Variants in MIOX observed in about 807,000 individuals in gnomAD.
MIOX encodes the protein inositol oxygenase.
MIOX carries 51 observed loss-of-function variants against 42.7 expected under a neutral mutation model. That is an observed-to-expected ratio of 1.19 (90% CI 0.95 to 1.51). MIOX has a LOEUF of 1.51. Among genes scored for constraint, MIOX ranks in the 40% most tolerant of loss-of-function variants. The pLI is 0.00. For missense variants in MIOX, 395 were observed against 381.3 expected (o/e 1.04, Z -0.30); for synonymous variants, 168 against 154.4 (o/e 1.09, Z -0.65).
Position 50,487,663 on chromosome 22 carries a change from C to G in MIOX, c.98C>G (p.Ser33Ter). The G allele has an allele frequency of 6.2e-7, 1 of 1,612,614 alleles. No individual in the cohort carries two copies. Among genetic ancestry groups the G allele is most frequent in the Non-Finnish European group, 8.5e-7 (1 of 1,179,524 alleles). Residue 33 changes from serine (S) to a stop codon, truncating the protein, a stop_gained and splice_region_variant, in exon 3 of 10, where the codon TCA (serine) becomes TGA (stop). Transcript: ENST00000216075. LOFTEE classifies it high-confidence loss of function. ...KDKASFRNYTSGPLLDRVFTT... is the reference protein window; with the variant it reads ...KDKASFRNYT ...CGCCACTGACCCTCCGGCCTGCAGT[C>G]AGGTCCCCTCCTGGACCGTGTCTTC...
intron 5 of MIOX, among the ~76,000 whole-genome samples, chr22:50,488,684 T>TCCCTCTG (rs2068309067): frequency 1.5e-5 from 2 of 134,836 alleles, no homozygotes; most frequent in South Asian, 2.8e-4. Context: ...GTCCCTCCTG[T>TCCCTCTG]CACTCTGCAG....
chr22:50,489,468 G>A (rs577860635), intron 8 of MIOX, 22 bp downstream of exon 8: 30 of 1,608,712 alleles, frequency 1.9e-5, no homozygotes, highest in South Asian at 5.5e-5. Context: ...GAGGGGCAAC[G>A]CAGCCCGTCC....
At chr22:50,487,852 C>T (rs2068291853) in intron 3 of MIOX, 34 bp from the exon 4 acceptor site, 2 of 1,612,686 alleles carry the variant, frequency 1.2e-6, no homozygotes, top group Admixed American at 1.7e-5. Flanking sequence ...GGCCTGCTGA[C>T]CCTGGGCCAC....
rs924258631 is a variant in MIOX, at chr22:50,489,829, G to C, written c.831G>C (p.Lys277Asn). The stretch of plus-strand genomic sequence containing the variant: ...CCTACTACCAGGGGCTCATTGACAA[G>C]TACTGCCCTGGCATCCTGAGCTGGT... ...LRPYYQGLIDKYCPGILSW is the reference protein window; with the variant it reads ...LRPYYQGLIDNYCPGILSW Residue 277 changes from lysine to asparagine, a missense_variant, in exon 10 of 10, where the codon AAG (lysine) becomes AAC (asparagine). Transcript: ENST00000216075. The C allele has an allele frequency of 2.5e-6, 4 of 1,611,084 alleles. No individual in the cohort carries two copies. The highest frequency in any genetic ancestry group is 3.4e-6 in the Non-Finnish European group (4 of 1,179,908).
chr22:50,489,332 G>A (rs551501349), intron 7 of MIOX, 37 bp downstream of exon 7: 73 of 1,472,870 alleles, frequency 5.0e-5, no homozygotes, highest in Middle Eastern at 4.9e-4. Context: ...GGTGGGGGGC[G>A]GTGGGGGACG....
At chr22:50,487,010 C>T in intron 1 of MIOX, 98 bp downstream of exon 1, 4 of 1,499,690 alleles carry the variant, frequency 2.7e-6, no homozygotes, top group South Asian at 1.1e-5. Context: ...CAGCCCTCCT[C>T]CTCCGTCCAG....
At chr22:50,487,167 C>T (rs1363503056) in intron 1 of MIOX, among the ~76,000 whole-genome samples, 2 of 152,196 alleles carry the variant, frequency 1.3e-5, no homozygotes, top group Non-Finnish European at 2.9e-5. Context: ...TGCTGACTTT[C>T]GCTTTGCAGA....
At chr22:50,488,115 G>A in intron 4 of MIOX, 67 bp downstream of exon 4, 1 of 1,601,846 alleles carries the variant, frequency 6.2e-7, no homozygotes, top group Non-Finnish European at 8.5e-7. Flanking sequence ...GCAGCCTGTA[G>A]GGTGGGAGGG....
chr22:50,488,307 C>G lies in MIOX; in HGVS notation c.373C>G (p.Leu125Val). 1 of 1,612,848 alleles carries G rather than the reference C, an allele frequency of 6.2e-7. No individual in the cohort carries two copies. The highest frequency in any genetic ancestry group is 8.5e-7 in the Non-Finnish European group (1 of 1,179,342). The change falls in exon 5 of 10, where the codon CTG becomes GTG. Residue 125 changes from leucine (L) to valine (V), a missense_variant. Coordinates refer to ENST00000216075, the MANE Select transcript of MIOX (RefSeq NM_017584.6). Reference sequence around the variant, plus strand: ...CCACCTCGTCGGGCTCCTGCACGACCTGGGGAAGGTCCTGGCCCTGTTCGG... The same window carrying G: ...CCACCTCGTCGGGCTCCTGCACGACGTGGGGAAGGTCCTGGCCCTGTTCGG... ...WFHLVGLLHD[L>V]GKVLALFGEP...
chr22:50,488,180 C>T (rs1019695854), intron 4 of MIOX, 95 bp from the exon 5 acceptor site: 6 of 1,588,426 alleles, frequency 3.8e-6, no homozygotes, highest in Non-Finnish European at 5.2e-6. Flanking sequence ...GGGGAGCAGG[C>T]CCTGGACCCT....
rs1268117430 is a variant in MIOX at position 50,489,026 on chromosome 22, C to CTGTCCCTCT, written c.409-13_409-5dup. 8.2e-6 allele frequency: 13 copies of CTGTCCCTCT among 1,593,400 alleles called. No homozygotes were observed. The highest frequency in any genetic ancestry group is 1.1e-5 in the Non-Finnish European group (13 of 1,169,108). ...CTCCCCCCATGGCCTCCCGTCCCTC[C>CTGTCCCTCT]TGTCCCTCTGCAGTGGGCTGTCGTC... On this transcript the variant is annotated splice_polypyrimidine_tract_variant and intron_variant, in intron 5 of 9. Coordinates refer to ENST00000216075, the MANE Select transcript of MIOX (RefSeq NM_017584.6).
chr22:50,489,328 G>A lies in MIOX; in HGVS notation c.586+33G>A, dbSNP rs1603437818. The A allele has an allele frequency of 8.1e-6, 12 of 1,487,212 alleles. No individual in the cohort carries two copies. In the African/African-American group the frequency reaches 1.1e-4, roughly 14 times the overall value. The allele number at this position is 1,487,212 out of a possible 1,614,324, so 92.1% of individuals were successfully genotyped here. On this transcript the variant is annotated intron_variant, in intron 7 of 9. Coordinates refer to ENST00000216075, the MANE Select transcript of MIOX (RefSeq NM_017584.6). The stretch of plus-strand genomic sequence containing the variant: ...CAGAGGCGGGCAGTGGGGCGGTGGG[G>A]GGCGGTGGGGGACGGTGGGGGGCGG...
chr22:50,488,068 C>T lies in MIOX; in HGVS notation c.340+20C>T. Reference sequence around the variant, plus strand: ...ACAAGGGTGAGCCCTGGCTGTGCTGCAGGGGGGCAGGTGCTGCCTCCAAGG... The same window carrying T: ...ACAAGGGTGAGCCCTGGCTGTGCTGTAGGGGGGCAGGTGCTGCCTCCAAGG... On this transcript the variant is annotated intron_variant, in intron 4 of 9. Transcript: ENST00000216075. The T allele has an allele frequency of 6.2e-6, 10 of 1,612,614 alleles. No individual in the cohort carries two copies. Among genetic ancestry groups the T allele is most frequent in the Non-Finnish European group, 8.5e-6 (10 of 1,179,486 alleles).
In MIOX at chr22:50,489,043, G is replaced by A. The variant is rs767415260; in HGVS notation, c.412G>A (p.Ala138Thr). 3.3e-6 allele frequency: 5 copies of A among 1,494,550 alleles called. No individual in the cohort carries two copies. The highest frequency in any genetic ancestry group is 4.5e-6 in the Non-Finnish European group (5 of 1,104,260). 92.6% of individuals were successfully genotyped at this position (1,494,550 alleles called of 1,614,324 possible). ...VLALFGEPQW[A>T]VVGDTFPVGC... Reference sequence around the variant, plus strand: ...CGTCCCTCCTGTCCCTCTGCAGTGGGCTGTCGTCGGCGACACCTTCCCCGT... The same window carrying A: ...CGTCCCTCCTGTCCCTCTGCAGTGGACTGTCGTCGGCGACACCTTCCCCGT... The change falls in exon 6 of 10, where the codon GCT becomes ACT. Residue 138 changes from alanine (A) to threonine (T), a missense_variant. Coordinates refer to ENST00000216075, the MANE Select transcript of MIOX (RefSeq NM_017584.6).
chr22:50,487,602 G>GGGAGGCAT, intron 2 of MIOX, 60 bp from the exon 3 acceptor site: 1 of 1,569,264 alleles, frequency 6.4e-7, no homozygotes, highest in Non-Finnish European at 8.7e-7. Context: ...CCTGGGAGAG[G>GGGAGGCAT]GGAGGCATGG....
chr22:50,489,952 C>A lies in MIOX; in HGVS notation c.*96C>A, dbSNP rs1346677214. ...GGCAAACAGCCGCCATCAGGGTTCACCTCGGTGGGGGACCCCACTCACCCC... is the reference window on the plus strand; with the variant it reads ...GGCAAACAGCCGCCATCAGGGTTCAACTCGGTGGGGGACCCCACTCACCCC... On this transcript the variant is annotated 3_prime_UTR_variant, in exon 10 of 10. Coordinates refer to ENST00000216075, the MANE Select transcript of MIOX (RefSeq NM_017584.6). 2.5e-6 allele frequency: 3 copies of A among 1,209,252 alleles called. No homozygotes were observed. Among genetic ancestry groups the A allele is most frequent in the African/African-American group, 3.0e-5 (2 of 66,754 alleles). 74.9% of individuals were successfully genotyped at this position (1,209,252 alleles called of 1,614,324 possible).
rs761439346 is a variant in MIOX, at chr22:50,489,102, C to T, written c.471C>T (p.Cys157=). The part of the protein sequence containing the change: ...GCRPQASVVF[C]DSTFQDNPDL... ...GTCCGCAGGCCTCCGTGGTTTTCTG[C>T]GACTCCACCTTCCAGGACAACCCTG... is the stretch of plus-strand genomic sequence containing the variant. The change falls in exon 6 of 10, where the codon TGC becomes TGT. Residue 157 remains cysteine, a synonymous_variant. Transcript: ENST00000216075. 2.1e-5 allele frequency: 34 copies of T among 1,612,952 alleles called. No individual in the cohort carries two copies. Among genetic ancestry groups the T allele is most frequent in the Admixed American group, 1.8e-4 (11 of 59,956 alleles).
chr22:50,489,919 T>C lies in MIOX; in HGVS notation c.*63T>C. The C allele has an allele frequency of 6.7e-7, 1 of 1,494,522 alleles. No individual in the cohort carries two copies. Among genetic ancestry groups the C allele is most frequent in the Non-Finnish European group, 9.2e-7 (1 of 1,083,756 alleles). 92.6% of individuals were successfully genotyped at this position (1,494,522 alleles called of 1,614,324 possible). A position where few individuals can be genotyped will look rare whatever the true frequency, so the allele number is the denominator to read the frequency against. ...GGCCCTCCGCCTGCCTGGAGAGGCC[T>C]GGCCCTGGGCAAACAGCCGCCATCA... is the stretch of plus-strand genomic sequence containing the variant. On this transcript the variant is annotated 3_prime_UTR_variant, in exon 10 of 10. Coordinates refer to ENST00000216075, the MANE Select transcript of MIOX (RefSeq NM_017584.6).
At position 50,489,342 on chromosome 22, in the gene MIOX, G is replaced by C. The variant is rs751541435; in HGVS notation, c.586+47G>C. ...GGGGCGGTGGGGGGCGGTGGGGGAC[G>C]GTGGGGGGCGGTGGGGCAGAGGCAG... On this transcript the variant is annotated intron_variant, in intron 7 of 9. Transcript: ENST00000216075. 868 of 1,467,848 alleles carry C rather than the reference G, an allele frequency of 5.9e-4. 1 individual carries two copies. The highest frequency in any genetic ancestry group is 6.7e-4 in the Non-Finnish European group (742 of 1,108,158). The allele number at this position is 1,467,848 out of a possible 1,614,324, so 90.9% of individuals were successfully genotyped here.
Sources: gnomAD v4.1 joint callset for allele counts (sites outside exome capture counted in the v4.1 genomes callset) on GRCh38, gnomAD v4.1.1 for gene constraint, MANE v1.5 for transcripts, NCBI Gene and HGNC (gene_info 2026-07-23, HGNC 2026-07-21) for gene names.